DHX33: variants seen among roughly 807,000 people sequenced by gnomAD.
DHX33 encodes ATP-dependent RNA helicase DHX33.
In DHX33, 42 loss-of-function variants were observed where a neutral mutation model predicts 72.5. That is an observed-to-expected ratio of 0.58 (90% confidence interval 0.45 to 0.75). DHX33 has a LOEUF of 0.75. Among genes scored for constraint, DHX33 ranks in the 30% least tolerant of loss-of-function variants. The pLI is 0.00. For missense variants in DHX33, 842 were observed against 917.5 expected (o/e 0.92, Z 1.06); for synonymous variants, 358 against 366.1 (o/e 0.98, Z 0.25).
intron 3 of DHX33, 106 bp from the exon 4 acceptor site, chr17:5,461,215 T>A: frequency 8.3e-7 from 1 of 1,201,786 alleles, no homozygotes; most frequent in Non-Finnish European, 1.2e-6. Context: ...GCCACCCCCA[T>A]CACAGTTTAC....
In DHX33 at chr17:5,461,095, T is replaced by G. The variant is rs1437217686; in HGVS notation, c.693A>C (p.Ser231=). Residue 231 remains serine (S), a synonymous_variant, in exon 4 of 12, where the codon TCA becomes TCC. Coordinates refer to ENST00000225296, the MANE Select transcript of DHX33 (RefSeq NM_020162.4). The stretch of plus-strand genomic sequence containing the variant: ...AGAACAGGTCCACATCCATCGTAGC[T>G]GACATCACAATCACCTGCATAAGAG... The part of the protein sequence containing the change: ...GKLPLKVIVM[S]ATMDVDLFSQ... 1 of 1,609,094 alleles carries G rather than the reference T, an allele frequency of 6.2e-7. No homozygotes were observed. The highest frequency in any genetic ancestry group is 8.5e-7 in the Non-Finnish European group (1 of 1,176,492).
At chr17:5,466,552 C>T (rs532334094) in intron 1 of DHX33, among the ~76,000 whole-genome samples, 5 of 152,244 alleles carry the variant, frequency 3.3e-5, no homozygotes, top group South Asian at 2.1e-4. Context: ...GATGGATCCA[C>T]GATCAATAGT....
At position 5,441,151 on chromosome 17, in the gene DHX33, T is replaced by C. The variant is rs1457861050; in HGVS notation, c.*3054A>G. The C allele has an allele frequency of 8.5e-6, 1 of 117,756 alleles. No homozygotes were observed. The highest frequency in any genetic ancestry group is 2.8e-3 in the East Asian group (1 of 352). 7.3% of individuals were successfully genotyped at this position (117,756 alleles called of 1,614,324 possible). On this transcript the variant is annotated 3_prime_UTR_variant, in exon 12 of 12. Transcript: ENST00000225296. ...GAAAAAAAAAAATGCATGGCCACAG[T>C]TCCAGGCAGTTCCTGGTAGCTGGAT... is the stretch of plus-strand genomic sequence containing the variant.
Position 5,444,546 on chromosome 17 carries a change from C to T in DHX33, c.1816-33G>A, listed in dbSNP as rs535875866. 6.3e-7 allele frequency: 1 copy of T among 1,596,332 alleles called. No individual in the cohort carries two copies. Among genetic ancestry groups the T allele is most frequent in the Admixed American group, 1.7e-5 (1 of 59,268 alleles). ...GGGAGAAAGCGAGGAATGGAGCCGACCCCACACGTAAACACTGGTCAGCAC... is the reference window on the plus strand; with the variant it reads ...GGGAGAAAGCGAGGAATGGAGCCGATCCCACACGTAAACACTGGTCAGCAC... On this transcript the variant is annotated intron_variant, in intron 11 of 11. Coordinates refer to ENST00000225296, the MANE Select transcript of DHX33 (RefSeq NM_020162.4). This position sits in a 1 kb window ranked among gnomAD's most constrained non-coding sequence, Gnocchi z 4.9.
chr17:5,443,241 C>T lies in DHX33; in HGVS notation c.*964G>A, dbSNP rs1435421227. On this transcript the variant is annotated 3_prime_UTR_variant, in exon 12 of 12. Transcript: ENST00000225296. ...CCCTCTCCCCTCCCCCACCCCCACC[C>T]CCTCTGACCAGGGGACTGCCCGAAA... The T allele has an allele frequency of 2.0e-5, 3 of 150,178 alleles. No individual in the cohort carries two copies. Among genetic ancestry groups the T allele is most frequent in the African/African-American group, 7.4e-5 (3 of 40,460 alleles). 9.3% of individuals were successfully genotyped at this position (150,178 alleles called of 1,614,324 possible).
rs577767535 is a variant in DHX33 at position 5,443,329 on chromosome 17, G to T, written c.*876C>A. The T allele has an allele frequency of 6.6e-6, 1 of 150,726 alleles. No homozygotes were observed. The highest frequency in any genetic ancestry group is 2.4e-5 in the African/African-American group (1 of 40,890). The allele number at this position is 150,726 out of a possible 1,614,324, so 9.3% of individuals were successfully genotyped here. On this transcript the variant is annotated 3_prime_UTR_variant, in exon 12 of 12. Transcript: ENST00000225296. ...CCGCATGTTCACTGGTGCCCAGTTA[G>T]AGAGAAAAATGGCAACTGTGTATGT...
rs1396655421 is a variant in DHX33 at position 5,462,401 on chromosome 17, C to T, written c.596G>A (p.Arg199Gln). Residue 199 changes from arginine (R) to glutamine (Q), a missense_variant, in exon 3 of 12, where the codon CGG becomes CAG. Physicochemically the swap from Arg to Gln is conservative, Grantham distance 43 (BLOSUM62 1). Transcript: ENST00000225296. The stretch of plus-strand genomic sequence containing the variant: ...AAAGAGCACATCTGTGTGGATAGTC[C>T]GTTCGTGAGCTTCATCCAAAATGAC... ...SCVILDEAHE[R>Q]TIHTDVLFGV... 7 of 1,614,040 alleles carry T rather than the reference C, an allele frequency of 4.3e-6. No homozygotes were observed. Among genetic ancestry groups the T allele is most frequent in the Admixed American group, 1.7e-5 (1 of 60,000 alleles).
chr17:5,450,741 T>C (rs1916864927), intron 9 of DHX33, 66 bp downstream of exon 9: 3 of 1,602,654 alleles, frequency 1.9e-6, no homozygotes, highest in Admixed American at 1.7e-5. Flanking sequence ...ACTGGGTAGA[T>C]GGTACTACTT....
rs1282654368 is a variant in DHX33 at position 5,453,962 on chromosome 17, A to G, written c.1166T>C (p.Leu389Ser). 1.5e-5 allele frequency: 24 copies of G among 1,613,756 alleles called. No individual in the cohort carries two copies. The highest frequency in any genetic ancestry group is 2.0e-5 in the Non-Finnish European group (24 of 1,179,974). ...KYNPDSGLEVLAVQRVSKTQA... is the reference protein window; with the variant it reads ...KYNPDSGLEVSAVQRVSKTQA... ...CGTCTTCGATACCCGCTGCACTGCT[A>G]ACACCTCAAGACCACTGTCTGGATG... The change falls in exon 7 of 12, where the codon TTA becomes TCA. Residue 389 changes from leucine to serine, a missense_variant. Transcript: ENST00000225296.
chr17:5,462,664 C>T, intron 2 of DHX33, 118 bp from the exon 3 acceptor site: 1 of 708,984 alleles, frequency 1.4e-6, no homozygotes, highest in South Asian at 1.6e-5. Context: ...ACGCTTCCCA[C>T]TCCCTTGGGA....
intron 11 of DHX33, among the ~76,000 whole-genome samples, chr17:5,446,533 A>G (rs1305063810): frequency 1.3e-5 from 2 of 152,214 alleles, no homozygotes; most frequent in African/African-American, 4.8e-5. Context: ...CTGAGTTGAA[A>G]AAGAAAAAAA....
chr17:5,462,265 G>T (rs1044400029), intron 3 of DHX33, 54 bp downstream of exon 3: 2 of 1,530,700 alleles, frequency 1.3e-6, no homozygotes, highest in Middle Eastern at 1.8e-4. Flanking sequence ...TGTGTGTTAC[G>T]CATACTTTCA....
intron 10 of DHX33, 46 bp downstream of exon 10, chr17:5,450,157 G>A: frequency 1.9e-6 from 3 of 1,608,060 alleles, no homozygotes; most frequent in Non-Finnish European, 2.6e-6. Context: ...GCACATAGCA[G>A]AGACAAGCAG....
intron 1 of DHX33, among the ~76,000 whole-genome samples, chr17:5,464,014 C>A (rs1228552597): frequency 1.3e-5 from 2 of 151,472 alleles, no homozygotes; most frequent in Non-Finnish European, 2.9e-5. Flanking sequence ...GAGACACTGT[C>A]TCAAAAAAAA....
intron 1 of DHX33, among the ~76,000 whole-genome samples, chr17:5,465,457 C>T (rs188060250): frequency 5.1e-4 from 78 of 152,324 alleles, no homozygotes; most frequent in Middle Eastern, 3.4e-3. Context: ...ATACAAAATG[C>T]TTGGAACCAG....
At chr17:5,452,781 C>T (rs1917001646) in intron 8 of DHX33, among the ~76,000 whole-genome samples, 1 of 152,164 alleles carries the variant, frequency 6.6e-6, no homozygotes, top group African/African-American at 2.4e-5. Flanking sequence ...TATATGCATA[C>T]ATTTGCTCTA....
At chr17:5,458,369 G>A (rs1211099826) in intron 4 of DHX33, among the ~76,000 whole-genome samples, 1 of 152,084 alleles carries the variant, frequency 6.6e-6, no homozygotes. Context: ...CAACTGTGTT[G>A]TTCAAGAAAC....
rs192062270 is a variant in DHX33 at position 5,444,521 on chromosome 17, G to A, written c.1816-8C>T. 4.2e-5 allele frequency: 68 copies of A among 1,610,906 alleles called. No individual in the cohort carries two copies. In the East Asian group the frequency reaches 1.3e-3, roughly 31 times the overall value. ...TGCGATTGGCATTGACATCTGTTTC[G>A]GGAGAAAGCGAGGAATGGAGCCGAC... On this transcript the variant is annotated splice_polypyrimidine_tract_variant and splice_region_variant and intron_variant, in intron 11 of 11. Coordinates refer to ENST00000225296, the MANE Select transcript of DHX33 (RefSeq NM_020162.4). The surrounding 1 kb of genome is among the most constrained non-coding windows in gnomAD (Gnocchi z 4.9).
At position 5,450,937 on chromosome 17, in the gene DHX33, A is replaced by G. The variant is rs537581458; in HGVS notation, c.1397-3T>C. 1.9e-6 allele frequency: 3 copies of G among 1,613,036 alleles called. No homozygotes were observed. The highest frequency in any genetic ancestry group is 2.2e-5 in the East Asian group (1 of 44,884). On this transcript the variant is annotated splice_polypyrimidine_tract_variant and splice_region_variant and intron_variant, in intron 8 of 11. Coordinates refer to ENST00000225296, the MANE Select transcript of DHX33 (RefSeq NM_020162.4). ...GGCAATGGCCGCCTGAATGTGATCT[A>G]AAGAAACAGAGACATAAAAAGGAGC... is the stretch of plus-strand genomic sequence containing the variant.
Sources: gnomAD v4.1 joint callset for allele counts (sites outside exome capture counted in the v4.1 genomes callset) on GRCh38, gnomAD v4.1.1 for gene constraint, Gnocchi (gnomAD v3.1) non-coding constraint, MANE v1.5 for transcripts, NCBI Gene and HGNC (gene_info 2026-07-23, HGNC 2026-07-21) for gene names.